Variants in SERPINE2 observed in about 807,000 individuals in gnomAD.
SERPINE2 encodes the protein serpin family E member 2, also known as glia-derived nexin.
SERPINE2 carries 14 observed loss-of-function variants against 36.3 expected under a neutral mutation model. The observed-to-expected ratio is 0.39, with a 90% CI of 0.25 to 0.60. The LOEUF (loss-of-function observed/expected upper bound fraction) is 0.60. Ranked by LOEUF, SERPINE2 falls within the 20% of genes least tolerant of loss-of-function variation. SERPINE2 has a pLI of 0.57. For synonymous variants in SERPINE2, 192 were observed against 191.8 expected (o/e 1.00, Z -0.01); for missense variants, 418 against 499.6 (o/e 0.84, Z 1.56).
At chr2:223,993,981 T>C (rs923772305) in intron 3 of SERPINE2, among the ~76,000 whole-genome samples, 5 of 152,224 alleles carry the variant, frequency 3.3e-5, no homozygotes, top group Non-Finnish European at 7.3e-5. Context: ...TTCCTAATAG[T>C]GAATGTTGTT....
intron 1 of SERPINE2, chr2:224,031,065 G>C: frequency 2.0e-6 from 2 of 975,906 alleles, no homozygotes; most frequent in Non-Finnish European, 2.4e-6. Context: ...GTCTTGAAAG[G>C]AGGAGTGTGC....
intron 4 of SERPINE2, 138 bp from the exon 5 acceptor site, chr2:223,985,088 G>C (rs961061447): frequency 3.0e-6 from 2 of 671,116 alleles, no homozygotes; most frequent in African/African-American, 3.6e-5. Context: ...TTCCTTAGAA[G>C]GACAAAGACA....
intron 1 of SERPINE2, 53 bp from the exon 2 acceptor site, chr2:224,001,975 T>C: frequency 7.0e-7 from 1 of 1,427,054 alleles, no homozygotes; most frequent in Non-Finnish European, 9.3e-7. Context: ...GGTACTTTAC[T>C]ACTTTTTTTT....
intron 1 of SERPINE2, among the ~76,000 whole-genome samples, chr2:224,004,489 AGCGT>A (rs1691317685): frequency 1.3e-5 from 2 of 152,214 alleles, no homozygotes; most frequent in African/African-American, 4.8e-5. Context: ...TCAACGGGCC[AGCGT>A]GGCCTATTTT....
At chr2:223,992,530 C>T (rs1222399793) in intron 3 of SERPINE2, among the ~76,000 whole-genome samples, 1 of 152,256 alleles carries the variant, frequency 6.6e-6, no homozygotes, top group East Asian at 1.9e-4. Context: ...ATTTTAGAAA[C>T]ATCAAACATT....
chr2:224,028,651 CA>C (rs1185918592), intron 1 of SERPINE2, among the ~76,000 whole-genome samples: 2 of 152,106 alleles, frequency 1.3e-5, no homozygotes, highest in East Asian at 1.9e-4. Context: ...ACCTATAAAC[CA>C]GGAATGATTT....
At chr2:224,030,933 G>A in intron 1 of SERPINE2, 1 of 984,292 alleles carries the variant, frequency 1.0e-6, no homozygotes. Context: ...GTCTGAGGAA[G>A]GAACTAGGGG....
intron 3 of SERPINE2, among the ~76,000 whole-genome samples, chr2:223,994,878 T>C (rs904128055): frequency 2.0e-5 from 3 of 152,226 alleles, no homozygotes; most frequent in African/African-American, 7.2e-5. Flanking sequence ...ATTACATCTC[T>C]CCATTTTACA....
At chr2:223,987,249 T>C (rs1358754503) in intron 4 of SERPINE2, among the ~76,000 whole-genome samples, 1 of 152,226 alleles carries the variant, frequency 6.6e-6, no homozygotes, top group Admixed American at 6.5e-5. Context: ...AACTGCCGTC[T>C]TTTGATGTAA....
intron 1 of SERPINE2, among the ~76,000 whole-genome samples, chr2:224,026,595 C>G (rs1464845804): frequency 6.6e-6 from 1 of 152,216 alleles, no homozygotes; most frequent in African/African-American, 2.4e-5. Flanking sequence ...CGGCAACTCC[C>G]TTTCTGAAGA....
At chr2:224,027,258 C>G (rs896518723) in intron 1 of SERPINE2, among the ~76,000 whole-genome samples, 12 of 152,188 alleles carry the variant, frequency 7.9e-5, no homozygotes, top group African/African-American at 2.2e-4. Context: ...GTCACTCACC[C>G]AGATTCCTCA....
At chr2:224,001,956 A>C (rs1342274263) in intron 1 of SERPINE2, 34 bp from the exon 2 acceptor site, 1 of 1,545,620 alleles carries the variant, frequency 6.5e-7, no homozygotes, top group Non-Finnish European at 8.7e-7. Flanking sequence ...TTTAAATTAT[A>C]CTTAAATGGG....
intron 1 of SERPINE2, among the ~76,000 whole-genome samples, chr2:224,025,651 C>T (rs1346185265): frequency 1.3e-5 from 2 of 152,214 alleles, no homozygotes; most frequent in African/African-American, 2.4e-5. Context: ...ACATGCCTGT[C>T]CTCAATTTGT....
intron 1 of SERPINE2, among the ~76,000 whole-genome samples, chr2:224,009,165 C>T (rs1691535115): frequency 6.6e-6 from 1 of 152,060 alleles, no homozygotes. Flanking sequence ...AAGGTGAGTC[C>T]CCGGATTTAT....
Position 224,015,227 on chromosome 2 carries a change from T to C in SERPINE2, c.-22-13305A>G, listed in dbSNP as rs191700387. Reference sequence around the variant, plus strand: ...GGGGAAACAGACCTTAATCAAATCGTCTTATTACTTGATATTTACTTTCAT... The same window carrying C: ...GGGGAAACAGACCTTAATCAAATCGCCTTATTACTTGATATTTACTTTCAT... On this transcript the variant is annotated intron_variant, in intron 1 of 8. Coordinates refer to ENST00000409304, the MANE Select transcript of SERPINE2 (RefSeq NM_001136528.2). Among the ~76,000 whole-genome samples the C allele has an allele frequency of 2.3e-4, 35 of 152,284 alleles. 1 individual carries two copies. Among genetic ancestry groups the C allele is most frequent in the Middle Eastern group, 3.4e-3 (1 of 294 alleles).
intron 1 of SERPINE2, among the ~76,000 whole-genome samples, chr2:224,029,262 T>C (rs1692283172): frequency 6.6e-6 from 1 of 152,174 alleles, no homozygotes; most frequent in Non-Finnish European, 1.5e-5. Flanking sequence ...TACAATTAAG[T>C]CATCACACAG....
At chr2:224,028,099 A>G (rs1692244433) in intron 1 of SERPINE2, among the ~76,000 whole-genome samples, 2 of 152,202 alleles carry the variant, frequency 1.3e-5, no homozygotes. Flanking sequence ...AGGGCTAACC[A>G]AGGGTGAGTG....
rs202029833 is a variant in SERPINE2, at chr2:224,005,081, A to T, written c.-22-3159T>A. 4.2e-3 allele frequency among the ~76,000 whole-genome samples: 192 copies of T among 46,210 alleles called. 11 individuals carry two copies. The Admixed American group carries it at 0.043, about 10-fold the overall frequency. 30.3% of individuals were successfully genotyped at this position (46,210 alleles called of 152,430 possible). ...TTATATATATTATATATATATATAT[A>T]TATATATATATATATAAAACATTGT... On this transcript the variant is annotated intron_variant, in intron 1 of 8. Coordinates refer to ENST00000409304, the MANE Select transcript of SERPINE2 (RefSeq NM_001136528.2).
rs543645937 is a variant in SERPINE2 at position 223,992,127 on chromosome 2, C to T, written c.488-127G>A. 6.7e-6 allele frequency: 5 copies of T among 751,862 alleles called. No homozygotes were observed. In the Admixed American group the frequency reaches 9.4e-5, roughly 14 times the overall value. The allele number at this position is 751,862 out of a possible 1,614,324, so 46.6% of individuals were successfully genotyped here. ...ATTTTTAAGGAGTGTTAAAGAGAATCTTCTTAAACTACCCTTTTGTACTTT... is the reference window on the plus strand; with the variant it reads ...ATTTTTAAGGAGTGTTAAAGAGAATTTTCTTAAACTACCCTTTTGTACTTT... On this transcript the variant is annotated intron_variant, in intron 3 of 8. Transcript: ENST00000409304.
Sources: gnomAD v4.1 joint callset for allele counts (sites outside exome capture counted in the v4.1 genomes callset) on GRCh38, gnomAD v4.1.1 for gene constraint, MANE v1.5 for transcripts, NCBI Gene and HGNC (gene_info 2026-07-23, HGNC 2026-07-21) for gene names.